Variants in POLG observed in about 807,000 individuals in gnomAD.
The protein encoded by POLG is DNA polymerase subunit gamma-1.
POLG carries 110 observed loss-of-function variants against 155.4 expected under a neutral mutation model. The observed-to-expected ratio is 0.71, with a 90% confidence interval of 0.61 to 0.83. The LOEUF is 0.83. POLG is among the 40% of genes least tolerant of loss of function. POLG has a pLI of 0.00. For missense variants in POLG, 1,685 were observed against 1,627.5 expected, an observed-to-expected ratio of 1.04 and a Z score of -0.61; for synonymous variants, 701 against 631.5, an observed-to-expected ratio of 1.11 and a Z score of -1.65.
intron 2 of POLG, 28 bp downstream of exon 2, chr15:89,333,068 T>C: frequency 6.6e-7 from 1 of 1,503,892 alleles, no homozygotes; most frequent in Non-Finnish European, 8.9e-7. Context: ...CCATGCCTGC[T>C]TATGTCCCCA....
At chr15:89,324,319 G>T in intron 10 of POLG, 92 bp from the exon 11 acceptor site, 2 of 1,435,364 alleles carry the variant, frequency 1.4e-6, no homozygotes, top group Non-Finnish European at 1.9e-6. Flanking sequence ...AATTCCCTTT[G>T]TTTAGTCCTC....
At chr15:89,318,191 C>A (rs1379281268) in intron 21 of POLG, among the ~76,000 whole-genome samples, 1 of 152,012 alleles carries the variant, frequency 6.6e-6, no homozygotes, top group African/African-American at 2.4e-5. Flanking sequence ...GAAAGAAAAA[C>A]AAACATCTCA....
At chr15:89,330,638 T>A (rs1282167831) in intron 2 of POLG, among the ~76,000 whole-genome samples, 1 of 151,760 alleles carries the variant, frequency 6.6e-6, no homozygotes, top group Non-Finnish European at 1.5e-5. Context: ...TATCAACCCC[T>A]CACGTCTACA....
In POLG at chr15:89,333,615, T is replaced by TGCTGCTGCTGCTGCCGCCGCC. The variant is rs2055628168; in HGVS notation, c.119_139dup (p.Arg40_Gln46dup). ...CTGCTGTTGCTGCTGCTGCTGCTGC[T>TGCTGCTGCTGCTGCCGCCGCC]GCTGCTGCTGCTGCCGCCGCCGCTG... On this transcript the variant is annotated inframe_insertion, in exon 2 of 23. Transcript: ENST00000268124. 6.2e-7 allele frequency: 1 copy of TGCTGCTGCTGCTGCCGCCGCC among 1,600,772 alleles called. No individual in the cohort carries two copies. Among genetic ancestry groups the TGCTGCTGCTGCTGCCGCCGCC allele is most frequent in the Non-Finnish European group, 8.5e-7 (1 of 1,175,882 alleles).
intron 3 of POLG, 52 bp from the exon 4 acceptor site, chr15:89,329,162 G>T (rs1486615755): frequency 2.6e-6 from 4 of 1,515,936 alleles, no homozygotes; most frequent in Admixed American, 1.8e-5. Context: ...TGCAACTGTG[G>T]GGCCAGCCCA....
chr15:89,317,204 T>A (rs1596348006), intron 22 of POLG, 172 bp downstream of exon 22: 1 of 653,324 alleles, frequency 1.5e-6, no homozygotes, highest in Non-Finnish European at 2.7e-6. Flanking sequence ...TTCTGAAACA[T>A]CATATCACAT....
At position 89,327,238 on chromosome 15, in the gene POLG, C is replaced by T; in HGVS notation, c.1362G>A (p.Glu454=). Residue 454 remains glutamate (E), a synonymous_variant, in exon 7 of 23, where the codon GAG becomes GAA. Transcript: ENST00000268124. ...YLAEAQGTYE[E]LQREMKKSLM... is the part of the protein sequence containing the mutation. ...ACGACTTCTTCATCTCCCGCTGGAG[C>T]TCCTCATAAGTGCCCTGTGCCTCTG... 6.2e-7 allele frequency: 1 copy of T among 1,614,234 alleles called. No individual in the cohort carries two copies.
At chr15:89,328,595 C>T (rs1427168790) in intron 5 of POLG, 60 bp from the exon 6 acceptor site, 1 of 1,605,002 alleles carries the variant, frequency 6.2e-7, no homozygotes, top group Non-Finnish European at 8.5e-7. Context: ...ACCACCAGCT[C>T]TCAGGGTCAG....
chr15:89,317,331 A>G (rs748855817), intron 22 of POLG, 45 bp downstream of exon 22: 1 of 1,594,822 alleles, frequency 6.3e-7, no homozygotes, highest in South Asian at 1.1e-5. Context: ...TTTCTAGTCC[A>G]CCTCAGATCC....
chr15:89,316,677 G>A lies in POLG; in HGVS notation c.*74C>T. ...AAGCCCTTTTGCAAAAAGCACAGCT[G>A]AAAGCCTGAGTTTGGGAGCCTGCAC... On this transcript the variant is annotated 3_prime_UTR_variant, in exon 23 of 23. Transcript: ENST00000268124. 7.4e-7 allele frequency: 1 copy of A among 1,343,080 alleles called. No homozygotes were observed. Among genetic ancestry groups the A allele is most frequent in the Non-Finnish European group, 1.1e-6 (1 of 936,596 alleles). The allele number at this position is 1,343,080 out of a possible 1,614,324, so 83.2% of individuals were successfully genotyped here.
intron 22 of POLG, 62 bp from the exon 23 acceptor site, chr15:89,316,889 G>C: frequency 8.4e-7 from 1 of 1,187,228 alleles, no homozygotes; most frequent in East Asian, 2.3e-5. Flanking sequence ...GAGCTCAGAA[G>C]TGAGCAAAGG....
chr15:89,326,778 A>G (rs1351729940), intron 8 of POLG, 40 bp from the exon 9 acceptor site: 8 of 1,613,644 alleles, frequency 5.0e-6, no homozygotes, highest in African/African-American at 1.3e-5. Flanking sequence ...CAGGAGAAGG[A>G]ACTCTCAATA....
At chr15:89,324,256 C>A in intron 10 of POLG, 29 bp from the exon 11 acceptor site, 1 of 1,609,014 alleles carries the variant, frequency 6.2e-7, no homozygotes, top group Non-Finnish European at 8.5e-7. Context: ...CAGCAGCAGC[C>A]GCTGATTACC....
intron 14 of POLG, among the ~76,000 whole-genome samples, chr15:89,322,220 C>A (rs191665223): frequency 4.7e-4 from 72 of 152,348 alleles, no homozygotes; most frequent in African/African-American, 1.6e-3. Context: ...ATCTGGGAAC[C>A]GGCCAGGCCT....
chr15:89,330,309 T>C, intron 2 of POLG, 33 bp from the exon 3 acceptor site: 3 of 1,555,008 alleles, frequency 1.9e-6, no homozygotes, highest in Non-Finnish European at 2.6e-6. Flanking sequence ...AGGTTCACCA[T>C]GGAGACATTA....
intron 18 of POLG, 39 bp downstream of exon 18, chr15:89,320,727 G>A: frequency 6.2e-7 from 1 of 1,609,558 alleles, no homozygotes; most frequent in South Asian, 1.1e-5. Context: ...GCAGGCCTCG[G>A]GTCCTGGGTG....
chr15:89,325,151 T>A lies in POLG; in HGVS notation c.1949+299A>T, dbSNP rs375036026. Among the ~76,000 whole-genome samples, 214 of 42,144 alleles carry A rather than the reference T, an allele frequency of 5.1e-3. 28 individuals are homozygous for A. The highest frequency in any genetic ancestry group is 0.02 in the African/African-American group (166 of 8,172). The allele number at this position is 42,144 out of a possible 152,430, so 27.6% of individuals were successfully genotyped here. On this transcript the variant is annotated intron_variant, in intron 10 of 22. Transcript: ENST00000268124. ...GTGAGAGAGTGAGTGAGAGAGTGAG[T>A]GAGTGAGTGAGTGAGTGAGAGAGTG...
chr15:89,317,364 T>A lies in POLG; in HGVS notation c.3643+12A>T, dbSNP rs765549612. On this transcript the variant is annotated intron_variant, in intron 22 of 22. Coordinates refer to ENST00000268124, the MANE Select transcript of POLG (RefSeq NM_002693.3). Reference sequence around the variant, plus strand: ...TCCTATGTGTAATGAGGAACAAATGTGTTGTGCTCACCCTGGGGAATCCCG... The same window carrying A: ...TCCTATGTGTAATGAGGAACAAATGAGTTGTGCTCACCCTGGGGAATCCCG... 2.5e-6 allele frequency: 4 copies of A among 1,613,580 alleles called. 1 individual carries two copies. The South Asian group carries it at 4.4e-5, about 18-fold the overall frequency.
chr15:89,333,367 G>C lies in POLG; in HGVS notation c.388C>G (p.Leu130Val). ...TGCTGGTCCAGGTTGTCCCCGTAGA[G>C]GGGCGGCAGGCGCAGCTCCACGTCG... is the stretch of plus-strand genomic sequence containing the variant. ...LPDVELRLPP[L>V]YGDNLDQHFR... Residue 130 changes from leucine to valine, a missense_variant, in exon 2 of 23, where the codon CTC becomes GTC. Coordinates refer to ENST00000268124, the MANE Select transcript of POLG (RefSeq NM_002693.3). 1 of 1,576,324 alleles carries C rather than the reference G, an allele frequency of 6.3e-7. No individual in the cohort carries two copies. Among genetic ancestry groups the C allele is most frequent in the Non-Finnish European group, 8.6e-7 (1 of 1,163,946 alleles).
Sources: allele counts gnomAD v4.1 joint callset (sites outside exome capture counted in the v4.1 genomes callset), GRCh38; gene constraint gnomAD v4.1.1; transcripts MANE v1.5; gene names NCBI Gene and HGNC (gene_info 2026-07-23, HGNC 2026-07-21).